Variants in ERC1 observed in about 807,000 individuals in gnomAD.
ERC1 encodes ELKS/RAB6-interacting/CAST family member 1, also known as RAB6 interacting protein 2.
Under a neutral mutation model 132.0 loss-of-function variants are expected in ERC1, and 56 were observed. The observed-to-expected ratio is 0.42, with a 90% CI of 0.34 to 0.53. The LOEUF (loss-of-function observed/expected upper bound fraction) is 0.53. Among genes scored for constraint, ERC1 ranks in the 20% least tolerant of loss-of-function variants. The probability of loss-of-function intolerance (pLI) is 0.03; values close to 1 mark genes in which losing one functional copy is unlikely to be tolerated. For missense variants in ERC1, 1,202 were observed against 1,349.9 expected (o/e 0.89, Z 1.72); for synonymous variants, 478 against 476.1 (o/e 1.00, Z -0.05).
chr12:1,425,295 A>T (rs2092601076), intron 17 of ERC1, among the ~76,000 whole-genome samples: 1 of 152,230 alleles, frequency 6.6e-6, no homozygotes, highest in Admixed American at 6.5e-5. Context: ...GCATAGCCAC[A>T]TCTCTTGTGG....
chr12:1,007,516 T>TTCTCTCTCTCTCTCTCTCTC (rs377671282), intron 1 of ERC1, among the ~76,000 whole-genome samples: 23 of 122,956 alleles, frequency 1.9e-4, no homozygotes, highest in Admixed American at 6.8e-4. Context: ...CACTGGGTAA[T>TTCTCTCTCTCTCTCTCTCTC]TCTCTCTCTC....
intron 14 of ERC1, among the ~76,000 whole-genome samples, chr12:1,279,680 T>A (rs910890384): frequency 2.0e-5 from 3 of 147,662 alleles, no homozygotes; most frequent in Non-Finnish European, 4.5e-5. Context: ...TTTAATTTTA[T>A]TTTATTTTAT....
intron 3 of ERC1, among the ~76,000 whole-genome samples, chr12:1,098,665 A>T (rs907847807): frequency 2.0e-5 from 3 of 152,148 alleles, no homozygotes; most frequent in Non-Finnish European, 4.4e-5. Flanking sequence ...GAAATCAAGA[A>T]TTTTTTTTGA....
At chr12:1,033,252 G>A (rs1305918882) in intron 2 of ERC1, among the ~76,000 whole-genome samples, 1 of 151,980 alleles carries the variant, frequency 6.6e-6, no homozygotes, top group East Asian at 1.9e-4. Context: ...TAGCCAGGAT[G>A]GTCTCAATTT....
chr12:1,073,580 C>T (rs1040641392), intron 2 of ERC1, among the ~76,000 whole-genome samples: 2 of 150,810 alleles, frequency 1.3e-5, no homozygotes, highest in African/African-American at 2.4e-5. Context: ...ACTCTGAAGG[C>T]GGAGGTTGCA....
intron 2 of ERC1, among the ~76,000 whole-genome samples, chr12:1,044,914 A>C (rs1199321513): frequency 6.6e-6 from 1 of 152,152 alleles, no homozygotes; most frequent in Admixed American, 6.5e-5. Flanking sequence ...TGACTCATCC[A>C]TGAATTATGG....
At chr12:1,197,240 C>T (rs1471052017) in intron 12 of ERC1, among the ~76,000 whole-genome samples, 1 of 152,088 alleles carries the variant, frequency 6.6e-6, no homozygotes, top group East Asian at 1.9e-4. Context: ...CTTGGCCTCC[C>T]AAAGTGCTGG....
At position 1,110,269 on chromosome 12, in the gene ERC1, T is replaced by C; in HGVS notation, c.1239T>C (p.Ala413=). ...EEIQMLKSNG[A]LSTEEREEEM... is the part of the protein sequence containing the mutation. ...TTCAGATGCTGAAATCGAATGGTGC[T>C]TTGAGTACTGAGGAAAGGGAAGAAG... The change falls in exon 5 of 19, where the codon GCT becomes GCC. Residue 413 remains alanine, a synonymous_variant. Transcript: ENST00000360905. The C allele has an allele frequency of 6.2e-7, 1 of 1,613,660 alleles. No individual in the cohort carries two copies. The highest frequency in any genetic ancestry group is 8.5e-7 in the Non-Finnish European group (1 of 1,179,756).
At chr12:1,286,884 G>A (rs2079076649) in intron 14 of ERC1, among the ~76,000 whole-genome samples, 1 of 152,076 alleles carries the variant, frequency 6.6e-6, no homozygotes, top group Non-Finnish European at 1.5e-5. Flanking sequence ...AGATATTAAA[G>A]TTCTAAAAAT....
rs1458335358 is a variant in ERC1, at chr12:1,176,980, C to T, written c.1738-3560C>T. ...ACCTGGATAACATGCTGCAGCTTCT[C>T]CGTCAGCACTTGCTGCTTTACTTTA... is the stretch of plus-strand genomic sequence containing the variant. On this transcript the variant is annotated intron_variant, in intron 8 of 18. Coordinates refer to ENST00000360905, the MANE Select transcript of ERC1 (RefSeq NM_178040.4). Among the ~76,000 whole-genome samples, 8 of 152,214 alleles carry T rather than the reference C, an allele frequency of 5.3e-5. No individual in the cohort carries two copies. The South Asian group carries it at 1.4e-3, about 28-fold the overall frequency.
chr12:1,151,722 A>G (rs1345036148), intron 8 of ERC1: 1 of 145,780 alleles, frequency 6.9e-6, no homozygotes, highest in Non-Finnish European at 1.5e-5. Context: ...GACAAATTTC[A>G]GTCCTGTTTC....
chr12:1,007,460 TTCTCTCTCTCTCTCTCTC>T (rs72040785), intron 1 of ERC1, among the ~76,000 whole-genome samples: 1 of 134,962 alleles, frequency 7.4e-6, no homozygotes, highest in Non-Finnish European at 1.6e-5. Flanking sequence ...GGGTAATTCA[TTCTCTCTCTCTCTCTCTC>T]TCTCTCTCTC....
intron 6 of ERC1, among the ~76,000 whole-genome samples, chr12:1,113,661 T>C (rs11061640): frequency 0.27 from 40,898 of 152,162 alleles, 5,889 homozygotes; most frequent in African/African-American, 0.37. Flanking sequence ...TCTAATTTGG[T>C]TTATGGAAAC....
intron 16 of ERC1, among the ~76,000 whole-genome samples, chr12:1,404,888 C>T (rs557106572): frequency 6.6e-6 from 1 of 152,108 alleles, no homozygotes; most frequent in Non-Finnish European, 1.5e-5. Flanking sequence ...CCTGTAATCC[C>T]AGCACTTTGG....
At chr12:1,400,907 T>A (rs1566774665) in intron 16 of ERC1, among the ~76,000 whole-genome samples, 1 of 94,646 alleles carries the variant, frequency 1.1e-5, no homozygotes, top group African/African-American at 5.1e-5. Flanking sequence ...TTGTTTTGGC[T>A]ATTTTTGTAT....
intron 12 of ERC1, among the ~76,000 whole-genome samples, chr12:1,221,028 C>T (rs1285852959): frequency 6.6e-6 from 1 of 152,200 alleles, no homozygotes; most frequent in Non-Finnish European, 1.5e-5. Flanking sequence ...TTCCTACACA[C>T]CTTATCTCCT....
At chr12:1,313,998 ATAAAT>A (rs200949677) in intron 15 of ERC1, among the ~76,000 whole-genome samples, 5,256 of 152,104 alleles carry the variant, frequency 0.035, 95 homozygotes, top group Middle Eastern at 0.075. Context: ...CATAATAATA[ATAAAT>A]TAAATTAAAT....
chr12:1,036,468 A>G (rs61918697), intron 2 of ERC1, among the ~76,000 whole-genome samples: 6,173 of 149,586 alleles, frequency 0.041, 197 homozygotes, highest in Non-Finnish European at 0.064. Context: ...TCCACCTCCC[A>G]GGTTCAAGTG....
chr12:1,274,301 C>T (rs1287718900), intron 14 of ERC1, among the ~76,000 whole-genome samples: 1 of 152,048 alleles, frequency 6.6e-6, no homozygotes, highest in African/African-American at 2.4e-5. Flanking sequence ...TGAGTATGGT[C>T]CTTTTCCTCA....
Sources: allele counts gnomAD v4.1 joint callset (sites outside exome capture counted in the v4.1 genomes callset), GRCh38; gene constraint gnomAD v4.1.1; transcripts MANE v1.5; gene names NCBI Gene and HGNC (gene_info 2026-07-23, HGNC 2026-07-21).